Variants in CARMIL1 observed in about 807,000 individuals in gnomAD.
The protein encoded by CARMIL1 is capping protein regulator and myosin 1 linker 1, also known as F-actin-uncapping protein LRRC16A.
A neutral mutation model predicts 177.1 loss-of-function variants in CARMIL1; 90 were observed. The observed-to-expected ratio is 0.51, with a 90% confidence interval of 0.43 to 0.61. The LOEUF (loss-of-function observed/expected upper bound fraction) is 0.61. CARMIL1 is among the 20% of genes least tolerant of loss of function. The pLI is 0.00. For synonymous variants in CARMIL1, 577 were observed against 606.2 expected (o/e 0.95, Z 0.71); for missense variants, 1,380 against 1,667.0 (o/e 0.83, Z 3.00).
intron 12 of CARMIL1, 29 bp downstream of exon 12, chr6:25,482,372 G>A (rs1204908497): frequency 3.6e-6 from 4 of 1,105,368 alleles, no homozygotes; most frequent in Non-Finnish European, 3.9e-6. Flanking sequence ...ACCTAAGAGT[G>A]TGTCTGAAAT....
chr6:25,488,663 TAG>T, intron 13 of CARMIL1, 78 bp downstream of exon 13: 1 of 1,152,472 alleles, frequency 8.7e-7, no homozygotes, highest in Non-Finnish European at 1.3e-6. Context: ...CATGTCTTTG[TAG>T]TGCATTTTCC....
At chr6:25,329,630 T>C (rs972271545) in intron 2 of CARMIL1, among the ~76,000 whole-genome samples, 4 of 152,202 alleles carry the variant, frequency 2.6e-5, no homozygotes, top group African/African-American at 4.8e-5. Flanking sequence ...GAAGCACATA[T>C]GTAAATTGAA....
chr6:25,395,477 G>A (rs202191632), intron 2 of CARMIL1, among the ~76,000 whole-genome samples: 17 of 152,228 alleles, frequency 1.1e-4, no homozygotes, highest in East Asian at 7.7e-4. Flanking sequence ...CCCTCATTGC[G>A]GCCATTCCTT....
intron 24 of CARMIL1, among the ~76,000 whole-genome samples, chr6:25,532,934 T>C (rs1398703135): frequency 6.6e-6 from 1 of 152,248 alleles, no homozygotes; most frequent in East Asian, 1.9e-4. Flanking sequence ...ATGAGTGTTA[T>C]TACAATAAAA....
At chr6:25,303,150 GT>G (rs759496092) in intron 2 of CARMIL1, among the ~76,000 whole-genome samples, 14 of 150,826 alleles carry the variant, frequency 9.3e-5, no homozygotes, top group Non-Finnish European at 2.1e-4. Flanking sequence ...CATTGTGAGA[GT>G]TGTTTATGCT....
At chr6:25,600,103 G>A (rs548277746) in intron 32 of CARMIL1, among the ~76,000 whole-genome samples, 101 of 152,268 alleles carry the variant, frequency 6.6e-4, no homozygotes, top group African/African-American at 2.1e-3. Context: ...CATTCTTAAT[G>A]TGTGCGTGCC....
intron 23 of CARMIL1, among the ~76,000 whole-genome samples, chr6:25,523,317 G>A: frequency 6.6e-6 from 1 of 152,020 alleles, no homozygotes; most frequent in Non-Finnish European, 1.5e-5. Context: ...TAATAACTAT[G>A]TTTAGCTGAC....
At chr6:25,477,319 C>T (rs142201700) in intron 11 of CARMIL1, among the ~76,000 whole-genome samples, 61 of 152,038 alleles carry the variant, frequency 4.0e-4, no homozygotes, top group African/African-American at 1.4e-3. Context: ...GAGGACCAGG[C>T]CTGCAGTCTT....
intron 2 of CARMIL1, among the ~76,000 whole-genome samples, chr6:25,354,107 G>T (rs1170343462): frequency 6.6e-6 from 1 of 152,146 alleles, no homozygotes; most frequent in Non-Finnish European, 1.5e-5. Context: ...CTGGACTAGA[G>T]GTAGCAATAT....
intron 4 of CARMIL1, among the ~76,000 whole-genome samples, chr6:25,432,110 C>G (rs879413730): frequency 1.3e-5 from 2 of 152,168 alleles, no homozygotes; most frequent in Non-Finnish European, 2.9e-5. Context: ...AGTTACAGTT[C>G]TATACATCCG....
chr6:25,289,324 C>T (rs1033503497), intron 2 of CARMIL1, among the ~76,000 whole-genome samples: 1 of 152,194 alleles, frequency 6.6e-6, no homozygotes, highest in African/African-American at 2.4e-5. Context: ...CTAAATGAAT[C>T]TTCACCCAAT....
chr6:25,332,936 T>G (rs1409793884), intron 2 of CARMIL1, among the ~76,000 whole-genome samples: 4 of 152,032 alleles, frequency 2.6e-5, no homozygotes, highest in African/African-American at 9.7e-5. Context: ...GTCCAGGGGG[T>G]GGACATATGA....
intron 12 of CARMIL1, among the ~76,000 whole-genome samples, chr6:25,486,940 T>A (rs1487026247): frequency 6.6e-6 from 1 of 152,142 alleles, no homozygotes; most frequent in African/African-American, 2.4e-5. Context: ...CTTTGCAATT[T>A]TTGAGGGTAA....
chr6:25,404,983 A>G (rs537449923), intron 2 of CARMIL1, among the ~76,000 whole-genome samples: 92 of 152,316 alleles, frequency 6.0e-4, no homozygotes, highest in African/African-American at 2.1e-3. Flanking sequence ...GCTAATTTCT[A>G]CATTAAAAGG....
At chr6:25,362,314 C>T (rs932967278) in intron 2 of CARMIL1, among the ~76,000 whole-genome samples, 2 of 152,220 alleles carry the variant, frequency 1.3e-5, no homozygotes, top group African/African-American at 4.8e-5. Flanking sequence ...AGTTGTCATC[C>T]TGGAATCACA....
At position 25,529,755 on chromosome 6, in the gene CARMIL1, C is replaced by CAAA. The variant is rs70977217; in HGVS notation, c.2067+890_2067+892dup. Among the ~76,000 whole-genome samples, 36 of 33,530 alleles carry CAAA rather than the reference C, an allele frequency of 1.1e-3. 1 individual carries two copies. The highest frequency in any genetic ancestry group is 1.8e-3 in the African/African-American group (19 of 10,596). The allele number at this position is 33,530 out of a possible 152,430, so 22.0% of individuals were successfully genotyped here. A position where few individuals can be genotyped will look rare whatever the true frequency, so the allele number is the denominator to read the frequency against. ...GGGCGACAGAGCGAGACTCCGTCTC[C>CAAA]AAAAAAAAAAAAAAAAAAAAAAAAA... is the stretch of plus-strand genomic sequence containing the variant. On this transcript the variant is annotated intron_variant, in intron 24 of 36. Coordinates refer to ENST00000329474, the MANE Select transcript of CARMIL1 (RefSeq NM_017640.6).
intron 2 of CARMIL1, among the ~76,000 whole-genome samples, chr6:25,374,181 A>T (rs1417399732): frequency 6.6e-6 from 1 of 152,228 alleles, no homozygotes; most frequent in East Asian, 1.9e-4. Context: ...CTATAAACTT[A>T]ACTCATAGCA....
chr6:25,311,515 G>A (rs952821092), intron 2 of CARMIL1, among the ~76,000 whole-genome samples: 1 of 151,096 alleles, frequency 6.6e-6, no homozygotes, highest in Non-Finnish European at 1.5e-5. Context: ...TCTAGGTCTT[G>A]CATAAGGCTG....
chr6:25,454,867 G>A (rs1325742762), intron 8 of CARMIL1, among the ~76,000 whole-genome samples: 1 of 152,128 alleles, frequency 6.6e-6, no homozygotes, highest in African/African-American at 2.4e-5. Flanking sequence ...GATTCATTGT[G>A]GCATAAGTTG....
Sources: allele counts gnomAD v4.1 joint callset (sites outside exome capture counted in the v4.1 genomes callset), GRCh38; gene constraint gnomAD v4.1.1; transcripts MANE v1.5; gene names NCBI Gene and HGNC (gene_info 2026-07-23, HGNC 2026-07-21).